The following FAF1 variants were observed in gnomAD, a reference collection of about 807,000 sequenced individuals.
The protein encoded by FAF1 is Fas associated factor 1, also known as FAS-associated factor 1.
Under a neutral mutation model 92.5 loss-of-function variants are expected in FAF1, and 25 were observed. The observed-to-expected ratio is 0.27, with a 90% CI of 0.20 to 0.38. The LOEUF (loss-of-function observed/expected upper bound fraction) is 0.38, where lower values mean the gene tolerates loss of function less well. Among genes scored for constraint, FAF1 ranks in the 10% least tolerant of loss-of-function variants. The pLI, the probability that FAF1 is intolerant of heterozygous loss-of-function variation, is 1.00. For missense variants in FAF1, 636 were observed against 793.3 expected (o/e 0.80, Z 2.38); for synonymous variants, 234 against 273.2 (o/e 0.86, Z 1.42).
chr1:50,886,322 T>G (rs1421690704), intron 1 of FAF1, among the ~76,000 whole-genome samples: 1 of 152,208 alleles, frequency 6.6e-6, no homozygotes, highest in African/African-American at 2.4e-5. Context: ...TCCTCATGTT[T>G]GAAGGATATT....
intron 17 of FAF1, among the ~76,000 whole-genome samples, chr1:50,477,423 T>A (rs890477272): frequency 2.6e-5 from 4 of 152,186 alleles, no homozygotes; most frequent in South Asian, 2.1e-4. Context: ...AATACTCTCA[T>A]TTTTTATATG....
chr1:50,532,841 T>C (rs779391540), intron 15 of FAF1, among the ~76,000 whole-genome samples: 4 of 152,200 alleles, frequency 2.6e-5, no homozygotes, highest in Non-Finnish European at 5.9e-5. Flanking sequence ...AGACAGGGTC[T>C]CACTCTGTCA....
rs192674512 is a variant in FAF1, at chr1:50,715,054, C to T, written c.552-9163G>A. The stretch of plus-strand genomic sequence containing the variant: ...TATCTATTTGCATTATCAACAAGGA[C>T]ACAATTTGGTTTCTACAAACAGAAA... On this transcript the variant is annotated intron_variant, in intron 6 of 18. Coordinates refer to ENST00000396153, the MANE Select transcript of FAF1 (RefSeq NM_007051.3). 59 of 410,364 alleles carry T rather than the reference C, an allele frequency of 1.4e-4. 4 individuals are homozygous for T. Among genetic ancestry groups the T allele is most frequent in the African/African-American group, 1.2e-3 (56 of 47,898 alleles). 25.4% of individuals were successfully genotyped at this position (410,364 alleles called of 1,614,324 possible).
rs181772310 is a variant in FAF1, at chr1:50,510,282, T to C, written c.1495-18481A>G. Reference sequence around the variant, plus strand: ...GACTATGGCATGTAATTGATGACTATTAACCTAATAATAATCCCAATAATA... The same window carrying C: ...GACTATGGCATGTAATTGATGACTACTAACCTAATAATAATCCCAATAATA... On this transcript the variant is annotated intron_variant, in intron 15 of 18. Coordinates refer to ENST00000396153, the MANE Select transcript of FAF1 (RefSeq NM_007051.3). Among the ~76,000 whole-genome samples the C allele has an allele frequency of 8.5e-5, 13 of 152,240 alleles. No homozygotes were observed. The East Asian group carries it at 2.3e-3, about 27-fold the overall frequency.
At chr1:50,888,266 G>C (rs1378886837) in intron 1 of FAF1, among the ~76,000 whole-genome samples, 1 of 152,176 alleles carries the variant, frequency 6.6e-6, no homozygotes, top group Non-Finnish European at 1.5e-5. Context: ...TCACCTTAAG[G>C]AGATTTTGGG....
intron 6 of FAF1, among the ~76,000 whole-genome samples, chr1:50,708,312 T>A (rs1383833715): frequency 1.3e-5 from 2 of 152,008 alleles, no homozygotes; most frequent in African/African-American, 4.8e-5. Flanking sequence ...TCAGAATATA[T>A]TTTAGAGGTG....
intron 2 of FAF1, among the ~76,000 whole-genome samples, chr1:50,848,947 G>C (rs1411853188): frequency 6.6e-6 from 1 of 152,108 alleles, no homozygotes; most frequent in Admixed American, 6.5e-5. Context: ...GTCAGATAAG[G>C]TCAGTAGTTT....
intron 5 of FAF1, among the ~76,000 whole-genome samples, chr1:50,739,338 A>G (rs1265761441): frequency 1.3e-5 from 2 of 152,110 alleles, no homozygotes; most frequent in African/African-American, 4.8e-5. Context: ...GTGTACACGT[A>G]CATGCATATA....
At chr1:50,920,370 T>C (rs1014356185) in intron 1 of FAF1, among the ~76,000 whole-genome samples, 1 of 151,720 alleles carries the variant, frequency 6.6e-6, no homozygotes, top group African/African-American at 2.4e-5. Flanking sequence ...CAGGCATTAC[T>C]GCTCCCAAAA....
At chr1:50,639,833 C>T (rs1654234085) in intron 8 of FAF1, among the ~76,000 whole-genome samples, 1 of 150,164 alleles carries the variant, frequency 6.7e-6, no homozygotes, top group African/African-American at 2.5e-5. Flanking sequence ...ACTCAGGAGG[C>T]TGAGTCAGAA....
Position 50,535,383 on chromosome 1 carries a change from C to A in FAF1, c.1480G>T (p.Asp494Tyr). The change falls in exon 15 of 19, where the codon GAT (aspartate) becomes TAT (tyrosine). Residue 494 changes from aspartate to tyrosine, a missense_variant. By Grantham distance (160) the Asp-to-Tyr change is radical. Around this residue, in one of 2 missense-constraint regions of FAF1, gnomAD observed 319 missense variants for 451.0 expected, o/e 0.71. Coordinates refer to ENST00000396153, the MANE Select transcript of FAF1 (RefSeq NM_007051.3). The part of the protein sequence containing the change: ...MEIFTAQQQE[D>Y]IKDEDEREAR... ...CATAACCTTACCTCGTCCTTTATAT[C>A]TTCCTGTTGTTGGGCTGTGAAGATC... 1 of 1,609,372 alleles carries A rather than the reference C, an allele frequency of 6.2e-7. No homozygotes were observed. The highest frequency in any genetic ancestry group is 8.5e-7 in the Non-Finnish European group (1 of 1,176,182).
Position 50,854,153 on chromosome 1 carries a change from A to C in FAF1, c.114+3776T>G, listed in dbSNP as rs568992179. Among the ~76,000 whole-genome samples, 154 of 152,166 alleles carry C rather than the reference A, an allele frequency of 1.0e-3. 2 individuals carry two copies. Among genetic ancestry groups the C allele is most frequent in the African/African-American group, 3.7e-3 (153 of 41,564 alleles). The stretch of plus-strand genomic sequence containing the variant: ...ACATTTTGATTAGTCAAAATTACAC[A>C]AGCCATATAGATTTTTATTCTCCCC... On this transcript the variant is annotated intron_variant, in intron 2 of 18. Transcript: ENST00000396153.
intron 4 of FAF1, among the ~76,000 whole-genome samples, chr1:50,748,808 T>C (rs1352856428): frequency 6.6e-6 from 1 of 152,190 alleles, no homozygotes; most frequent in East Asian, 1.9e-4. Flanking sequence ...AGACTGATTA[T>C]ATTACATATT....
intron 8 of FAF1, among the ~76,000 whole-genome samples, chr1:50,636,344 T>C (rs1654005976): frequency 6.6e-6 from 1 of 151,380 alleles, no homozygotes; most frequent in African/African-American, 2.4e-5. Flanking sequence ...GCAAACACCA[T>C]GAAATTTGTA....
At chr1:50,723,152 G>C (rs1658483524) in intron 6 of FAF1, among the ~76,000 whole-genome samples, 1 of 152,280 alleles carries the variant, frequency 6.6e-6, no homozygotes, top group East Asian at 1.9e-4. Context: ...TGTAATCCTA[G>C]TACTTTGGGA....
intron 2 of FAF1, among the ~76,000 whole-genome samples, chr1:50,829,325 C>G (rs1217893055): frequency 6.6e-6 from 1 of 152,184 alleles, no homozygotes; most frequent in Non-Finnish European, 1.5e-5. Context: ...ATTGAAGGGT[C>G]TGTTGTGTGG....
At chr1:50,585,325 A>C (rs1042926826) in intron 9 of FAF1, among the ~76,000 whole-genome samples, 5 of 152,148 alleles carry the variant, frequency 3.3e-5, no homozygotes, top group African/African-American at 9.6e-5. Flanking sequence ...CTACATATGA[A>C]AGCTCTTTGT....
chr1:50,743,810 C>G (rs1169185452), intron 5 of FAF1, among the ~76,000 whole-genome samples: 1 of 152,174 alleles, frequency 6.6e-6, no homozygotes, highest in African/African-American at 2.4e-5. Flanking sequence ...CAGCAGCTCA[C>G]ACCTATAATC....
chr1:50,701,883 A>T (rs12067210), intron 7 of FAF1, among the ~76,000 whole-genome samples: 8,214 of 152,142 alleles, frequency 0.054, 711 homozygotes, highest in African/African-American at 0.19. Context: ...TAAATCAACA[A>T]TAATAAGAAC....
Sources: allele counts gnomAD v4.1 joint callset (sites outside exome capture counted in the v4.1 genomes callset), GRCh38; gene constraint gnomAD v4.1.1; regional missense constraint gnomAD v4.1.1; transcripts MANE v1.5; gene names NCBI Gene and HGNC (gene_info 2026-07-23, HGNC 2026-07-21).